SDCCAG8: variants seen among roughly 807,000 people sequenced by gnomAD.
SDCCAG8 encodes serologically defined colon cancer antigen 8.
A neutral mutation model predicts 101.8 loss-of-function variants in SDCCAG8; 74 were observed. The ratio of observed to expected loss-of-function variants is 0.73; its 90% confidence interval spans 0.60 to 0.88. SDCCAG8 has a LOEUF of 0.88. Ranked by LOEUF, SDCCAG8 falls within the 40% of genes least tolerant of loss-of-function variation. The pLI, the probability that SDCCAG8 is intolerant of heterozygous loss-of-function variation, is 0.00. For synonymous variants in SDCCAG8, 281 were observed against 292.9 expected, an observed-to-expected ratio of 0.96 and a Z score of 0.41; for missense variants, 787 against 822.6, an observed-to-expected ratio of 0.96 and a Z score of 0.53.
intron 9 of SDCCAG8, among the ~76,000 whole-genome samples, chr1:243,329,139 G>A (rs1021568537): frequency 1.3e-5 from 2 of 152,044 alleles, no homozygotes; most frequent in African/African-American, 4.8e-5. Context: ...GAAAAAGTAT[G>A]CCTTTTCATT....
Position 243,423,368 on chromosome 1 carries a change from A to G in SDCCAG8, c.1854-3059A>G, listed in dbSNP as rs11581792. ...TTCCCTTCAGTCATTTTTCATGTGTATGTCTGTGTACATTTATAGTGTGAT... is the reference window on the plus strand; with the variant it reads ...TTCCCTTCAGTCATTTTTCATGTGTGTGTCTGTGTACATTTATAGTGTGAT... On this transcript the variant is annotated intron_variant, in intron 15 of 17. Transcript: ENST00000366541. Among the ~76,000 whole-genome samples, 1,163 of 152,206 alleles carry G rather than the reference A, an allele frequency of 7.6e-3. 4 individuals carry two copies. The highest frequency in any genetic ancestry group is 0.011 in the Non-Finnish European group (728 of 67,952).
At position 243,341,130 on chromosome 1, in the gene SDCCAG8, A is replaced by G; in HGVS notation, c.1313A>G (p.Glu438Gly). Residue 438 changes from glutamate (E) to glycine (G), a missense_variant, in exon 11 of 18, where the codon GAA becomes GGA. Physicochemically the swap from Glu to Gly is moderately conservative, Grantham distance 98. Coordinates refer to ENST00000366541, the MANE Select transcript of SDCCAG8 (RefSeq NM_006642.5). ...EKISAINQLE[E>G]IQSQLASREM... is the part of the protein sequence containing the mutation. ...ATTTCAGCTATTAATCAACTGGAGG[A>G]AATTCAAAGCCAGCTGGCTTCTCGG... 6.2e-7 allele frequency: 1 copy of G among 1,614,176 alleles called. No individual in the cohort carries two copies. Among genetic ancestry groups the G allele is most frequent in the Non-Finnish European group, 8.5e-7 (1 of 1,179,990 alleles).
chr1:243,266,940 T>G, intron 1 of SDCCAG8, among the ~76,000 whole-genome samples: 1 of 48,396 alleles, frequency 2.1e-5, no homozygotes, highest in Non-Finnish European at 4.4e-5. Context: ...TGCAACTTCG[T>G]CTCAAAAAAA....
At chr1:243,381,060 A>G (rs1022468611) in intron 13 of SDCCAG8, among the ~76,000 whole-genome samples, 15 of 141,638 alleles carry the variant, frequency 1.1e-4, no homozygotes, top group Admixed American at 2.1e-4. Context: ...GCTGAAATAC[A>G]TAACTCCCAC....
At chr1:243,442,057 AC>A (rs2082572354) in intron 16 of SDCCAG8, among the ~76,000 whole-genome samples, 1 of 152,206 alleles carries the variant, frequency 6.6e-6, no homozygotes. Context: ...TCGTATTTTT[AC>A]AAAATACCTC....
chr1:243,477,027 CACACACAG>C (rs944133910), intron 16 of SDCCAG8, among the ~76,000 whole-genome samples: 10 of 146,064 alleles, frequency 6.8e-5, no homozygotes, highest in African/African-American at 2.7e-4. Context: ...CACACACACA[CACACACAG>C]AGAGAAAGGC....
chr1:243,267,389 G>C, intron 1 of SDCCAG8: 1 of 257,974 alleles, frequency 3.9e-6, no homozygotes. Context: ...ACCTGAGGTC[G>C]GGAGTTTGAG....
intron 13 of SDCCAG8, among the ~76,000 whole-genome samples, chr1:243,404,103 G>A (rs1047577464): frequency 6.6e-6 from 1 of 152,222 alleles, no homozygotes. Flanking sequence ...CCTGCTGGCA[G>A]TGGAGCTTAC....
intron 16 of SDCCAG8, among the ~76,000 whole-genome samples, chr1:243,455,331 G>A (rs2083661158): frequency 1.3e-5 from 2 of 152,134 alleles, no homozygotes; most frequent in Non-Finnish European, 2.9e-5. Flanking sequence ...GTGCAGTGGT[G>A]CTATGTCAGC....
chr1:243,274,039 A>G (rs1353474466), intron 3 of SDCCAG8, among the ~76,000 whole-genome samples: 2 of 152,212 alleles, frequency 1.3e-5, no homozygotes, highest in Non-Finnish European at 1.5e-5. Flanking sequence ...AATTTATTTA[A>G]AAAAGAGGTT....
At chr1:243,389,375 A>T (rs1030221950) in intron 13 of SDCCAG8, among the ~76,000 whole-genome samples, 1 of 152,126 alleles carries the variant, frequency 6.6e-6, no homozygotes. Flanking sequence ...TTAGAATATA[A>T]AAAGAAAGAA....
At chr1:243,390,099 A>T (rs1463463059) in intron 13 of SDCCAG8, among the ~76,000 whole-genome samples, 4 of 152,214 alleles carry the variant, frequency 2.6e-5, no homozygotes, top group African/African-American at 4.8e-5. Flanking sequence ...TTTGAAGAGG[A>T]TATTATAACA....
chr1:243,449,755 G>A (rs1486025336), intron 16 of SDCCAG8, among the ~76,000 whole-genome samples: 1 of 152,114 alleles, frequency 6.6e-6, no homozygotes, highest in East Asian at 1.9e-4. Context: ...CTCCTGTTAG[G>A]CCCGACTGGA....
At chr1:243,401,389 C>T (rs1212956545) in intron 13 of SDCCAG8, among the ~76,000 whole-genome samples, 1 of 152,182 alleles carries the variant, frequency 6.6e-6, no homozygotes, top group African/African-American at 2.4e-5. Context: ...CATTGATTGA[C>T]AAGCTAATAT....
chr1:243,350,942 A>G (rs781744950), intron 12 of SDCCAG8, among the ~76,000 whole-genome samples: 5 of 152,216 alleles, frequency 3.3e-5, no homozygotes, highest in Non-Finnish European at 7.3e-5. Context: ...GGGTAACAGC[A>G]GTGTTAGTCT....
chr1:243,281,669 A>G (rs1390387580), intron 4 of SDCCAG8, among the ~76,000 whole-genome samples: 1 of 39,736 alleles, frequency 2.5e-5, no homozygotes, highest in African/African-American at 6.3e-5. Context: ...TTTTTTTTTT[A>G]GAGATAGAGT....
chr1:243,398,008 CAA>C (rs1387200929), intron 13 of SDCCAG8, among the ~76,000 whole-genome samples: 10 of 152,170 alleles, frequency 6.6e-5, no homozygotes, highest in Non-Finnish European at 1.5e-4. Context: ...ACATTTCTGA[CAA>C]AGAGACGCCA....
intron 12 of SDCCAG8, among the ~76,000 whole-genome samples, chr1:243,352,755 T>G (rs1355149495): frequency 6.6e-6 from 1 of 152,204 alleles, no homozygotes. Context: ...TTGTTTTTAT[T>G]TTTCTGTTTT....
intron 13 of SDCCAG8, among the ~76,000 whole-genome samples, chr1:243,409,508 G>C (rs2080018835): frequency 1.3e-5 from 2 of 152,150 alleles, no homozygotes; most frequent in Admixed American, 1.3e-4. Context: ...CCTAGTGACA[G>C]ATCCTGATTT....
Sources: allele counts gnomAD v4.1 joint callset (sites outside exome capture counted in the v4.1 genomes callset), GRCh38; gene constraint gnomAD v4.1.1; transcripts MANE v1.5; gene names NCBI Gene and HGNC (gene_info 2026-07-23, HGNC 2026-07-21).